NECTIN1: variants seen among roughly 807,000 people sequenced by gnomAD.
The protein encoded by NECTIN1 is nectin cell adhesion molecule 1.
A neutral mutation model predicts 48.0 loss-of-function variants in NECTIN1; 23 were observed. That is an observed-to-expected ratio of 0.48 (90% CI 0.34 to 0.68). The LOEUF is 0.68. NECTIN1 is among the 30% of genes least tolerant of loss of function. The pLI is 0.01. For missense variants in NECTIN1, 591 were observed against 709.9 expected (o/e 0.83, Z 1.90); for synonymous variants, 270 against 288.9 (o/e 0.93, Z 0.66).
chr11:119,674,389 T>A (rs1023106553), intron 5 of NECTIN1: 3 of 1,500,690 alleles, frequency 2.0e-6, no homozygotes, highest in Admixed American at 4.1e-5. Context: ...GAGGTCAGGG[T>A]AATAATCACG....
Position 119,661,242 on chromosome 11 carries a change from G to A in NECTIN1, c.*3505C>T. On this transcript the variant is annotated 3_prime_UTR_variant, in exon 6 of 6. Transcript: ENST00000264025. ...GGATTCTTTTCATTTATACAAAAAA[G>A]GAAAACCAATTTTTTCGACCAAGAA... The A allele has an allele frequency of 1.0e-6, 1 of 985,874 alleles. No individual in the cohort carries two copies. Among genetic ancestry groups the A allele is most frequent in the Non-Finnish European group, 1.2e-6 (1 of 829,946 alleles). 61.1% of individuals were successfully genotyped at this position (985,874 alleles called of 1,614,324 possible).
chr11:119,675,123 G>A, intron 5 of NECTIN1, 36 bp downstream of exon 5: 1 of 1,613,518 alleles, frequency 6.2e-7, no homozygotes. Context: ...AGGAACCCGT[G>A]GGTGCGGAGA....
intron 1 of NECTIN1, among the ~76,000 whole-genome samples, chr11:119,704,072 C>T (rs182688783): frequency 8.5e-5 from 13 of 152,260 alleles, no homozygotes; most frequent in Admixed American, 3.3e-4. Context: ...CACGGTTCTC[C>T]GGGCAAGAAG....
intron 7 of NECTIN1, chr11:119,638,691 C>A: frequency 6.4e-7 from 1 of 1,571,246 alleles, no homozygotes; most frequent in East Asian, 2.2e-5. Context: ...TCTCCCTCCC[C>A]GCAGTCCAGG....
At position 119,685,362 on chromosome 11, in the gene NECTIN1, C is replaced by A. The variant is rs554847579; in HGVS notation, c.80-6597G>T. 6.3e-4 allele frequency among the ~76,000 whole-genome samples: 96 copies of A among 152,314 alleles called. 1 individual carries two copies. The highest frequency in any genetic ancestry group is 3.4e-3 in the Middle Eastern group (1 of 294). On this transcript the variant is annotated intron_variant, in intron 1 of 5. Coordinates refer to ENST00000264025, the MANE Select transcript of NECTIN1 (RefSeq NM_002855.5). ...GCGCCTTGGGCGGGTGAGCACAGTG[C>A]GTGGGAGAGGAGGGGGCACGGCGGC...
chr11:119,660,580 C>T (rs554917231), downstream of NECTIN1, among the ~76,000 whole-genome samples: 22 of 152,244 alleles, frequency 1.4e-4, no homozygotes, highest in South Asian at 1.5e-3. Flanking sequence ...GGGGACGTGG[C>T]AGGAACAGGA....
In NECTIN1 at chr11:119,728,762, G is replaced by A; in HGVS notation, c.-209C>T. On this transcript the variant is annotated 5_prime_UTR_variant, in exon 1 of 6. Transcript: ENST00000264025. Reference sequence around the variant, plus strand: ...CGGGCCGCCGCCGGCTCAGAGGCTCGGCAGATGCCCGCCGCAAGTTGCACG... The same window carrying A: ...CGGGCCGCCGCCGGCTCAGAGGCTCAGCAGATGCCCGCCGCAAGTTGCACG... The A allele has an allele frequency of 2.2e-6, 1 of 447,052 alleles. No individual in the cohort carries two copies. The highest frequency in any genetic ancestry group is 3.9e-6 in the Non-Finnish European group (1 of 254,030). The allele number at this position is 447,052 out of a possible 1,614,324, so 27.7% of individuals were successfully genotyped here.
At chr11:119,675,518 G>A in intron 4 of NECTIN1, 1 of 574,926 alleles carries the variant, frequency 1.7e-6, no homozygotes, top group Non-Finnish European at 3.0e-6. Flanking sequence ...TCATAATATG[G>A]GAATATAGGC....
intron 1 of NECTIN1, among the ~76,000 whole-genome samples, chr11:119,692,411 A>ATGTG (rs60998928): frequency 4.9e-5 from 7 of 142,520 alleles, no homozygotes; most frequent in African/African-American, 7.5e-5. Context: ...TGTGGCAGTG[A>ATGTG]TGTGTGTGTG....
chr11:119,708,799 A>T (rs892651109), intron 1 of NECTIN1, among the ~76,000 whole-genome samples: 2 of 152,160 alleles, frequency 1.3e-5, no homozygotes, highest in African/African-American at 4.8e-5. Context: ...AGAAGAAAAG[A>T]GGCACATGAA....
At chr11:119,705,645 A>C (rs1157008242) in intron 1 of NECTIN1, among the ~76,000 whole-genome samples, 2 of 152,224 alleles carry the variant, frequency 1.3e-5, no homozygotes, top group Non-Finnish European at 2.9e-5. Flanking sequence ...GAGCTGGACC[A>C]TGCTGTTGGA....
chr11:119,639,509 C>T (rs1030743986), intron 6 of NECTIN1: 6 of 382,312 alleles, frequency 1.6e-5, no homozygotes, highest in African/African-American at 1.2e-4. Context: ...TGCCCTCACC[C>T]CTTGTCAACG....
intron 4 of NECTIN1, among the ~76,000 whole-genome samples, chr11:119,675,878 C>T (rs982374607): frequency 2.6e-5 from 4 of 152,034 alleles, no homozygotes; most frequent in Non-Finnish European, 5.9e-5. Context: ...TGGTGGTGCA[C>T]GCCTGTAGTC....
intron 1 of NECTIN1, among the ~76,000 whole-genome samples, chr11:119,692,348 C>A (rs1049732804): frequency 6.6e-5 from 10 of 152,206 alleles, no homozygotes; most frequent in African/African-American, 2.4e-4. Flanking sequence ...TCCTTCCATT[C>A]CCATGCTCTC....
At chr11:119,716,716 T>C (rs1487389208) in intron 1 of NECTIN1, among the ~76,000 whole-genome samples, 1 of 152,086 alleles carries the variant, frequency 6.6e-6, no homozygotes, top group Non-Finnish European at 1.5e-5. Context: ...TCATCTTTGA[T>C]TGGCTCCCCC....
intron 5 of NECTIN1, among the ~76,000 whole-genome samples, chr11:119,648,748 C>T (rs1272147137): frequency 6.6e-6 from 1 of 151,982 alleles, no homozygotes; most frequent in Non-Finnish European, 1.5e-5. Context: ...TCAGGTCTCT[C>T]CAGCCCCCTT....
intron 1 of NECTIN1, among the ~76,000 whole-genome samples, chr11:119,694,407 A>AAG (rs978462726): frequency 1.3e-5 from 2 of 152,166 alleles, no homozygotes; most frequent in African/African-American, 4.8e-5. Flanking sequence ...TGTGGTTACA[A>AAG]AGACCCTGCC....
Position 119,684,278 on chromosome 11 carries a change from C to T in NECTIN1, c.80-5513G>A, listed in dbSNP as rs1409858580. Among the ~76,000 whole-genome samples the T allele has an allele frequency of 6.6e-6, 1 of 152,198 alleles. No homozygotes were observed. Among genetic ancestry groups the T allele is most frequent in the African/African-American group, 2.4e-5 (1 of 41,446 alleles). Reference sequence around the variant, plus strand: ...ACTTCTTTTGTCCTGGCTGTGCCAGCCCACCCCAGCCCCTCCTTTCCTGAG... The same window carrying T: ...ACTTCTTTTGTCCTGGCTGTGCCAGTCCACCCCAGCCCCTCCTTTCCTGAG... On this transcript the variant is annotated intron_variant, in intron 1 of 5. Coordinates refer to ENST00000264025, the MANE Select transcript of NECTIN1 (RefSeq NM_002855.5). The surrounding 1 kb of genome is among the most constrained non-coding windows in gnomAD (Gnocchi z 5.2).
chr11:119,648,289 ATGGTGGTGGTGGTGGTGATGG>A (rs1864431548), intron 5 of NECTIN1, among the ~76,000 whole-genome samples: 2 of 10,752 alleles, frequency 1.9e-4, no homozygotes, highest in Non-Finnish European at 3.9e-4. Context: ...GGTGGTGGTG[ATGGTGGTGGTGGTGGTGATGG>A]TGGTGATGGT....
Sources: gnomAD v4.1 joint callset for allele counts (sites outside exome capture counted in the v4.1 genomes callset) on GRCh38, gnomAD v4.1.1 for gene constraint, Gnocchi (gnomAD v3.1) non-coding constraint, MANE v1.5 for transcripts, NCBI Gene and HGNC (gene_info 2026-07-23, HGNC 2026-07-21) for gene names.